DENND2B: variants seen among roughly 807,000 people sequenced by gnomAD.
DENND2B encodes DENN domain-containing protein 2B.
Under a neutral mutation model 116.0 loss-of-function variants are expected in DENND2B, and 32 were observed. The observed-to-expected ratio is 0.28, with a 90% CI of 0.21 to 0.37. The LOEUF is 0.37. DENND2B is among the 10% of genes least tolerant of loss of function. DENND2B has a pLI of 1.00. For synonymous variants in DENND2B, 588 were observed against 583.9 expected, an observed-to-expected ratio of 1.01 and a Z score of -0.10; for missense variants, 1,276 against 1,477.7, an observed-to-expected ratio of 0.86 and a Z score of 2.24.
At chr11:8,726,299 G>A (rs1379161405) in intron 3 of DENND2B, 90 bp from the exon 4 acceptor site, 2 of 1,490,466 alleles carry the variant, frequency 1.3e-6, no homozygotes, top group African/African-American at 1.4e-5. Flanking sequence ...AAAGACCATA[G>A]GCCCTCCTTA....
At chr11:8,778,056 A>G (rs1033922483) in intron 1 of DENND2B, among the ~76,000 whole-genome samples, 3 of 152,228 alleles carry the variant, frequency 2.0e-5, no homozygotes, top group African/African-American at 7.2e-5. Context: ...TGGCTTGTAC[A>G]GCTCAGGTCA....
intron 1 of DENND2B, among the ~76,000 whole-genome samples, chr11:8,751,385 C>T (rs1282218408): frequency 6.6e-6 from 1 of 152,150 alleles, no homozygotes; most frequent in Non-Finnish European, 1.5e-5. Context: ...GGAATAAAAG[C>T]AGGCTGCCCA....
chr11:8,845,072 T>C (rs2062765387), intron 3 of DENND2B, among the ~76,000 whole-genome samples: 1 of 152,218 alleles, frequency 6.6e-6, no homozygotes, highest in African/African-American at 2.4e-5. Context: ...AAAAAAATTC[T>C]TCTTCTGGAT....
chr11:8,746,525 G>A (rs1189393175), intron 2 of DENND2B, among the ~76,000 whole-genome samples: 1 of 152,194 alleles, frequency 6.6e-6, no homozygotes, highest in African/African-American at 2.4e-5. Flanking sequence ...TCCACTTTAT[G>A]AGATACTATA....
intron 2 of DENND2B, among the ~76,000 whole-genome samples, chr11:8,734,751 T>C (rs375397518): frequency 3.0e-4 from 43 of 142,420 alleles, no homozygotes; most frequent in African/African-American, 1.1e-3. Flanking sequence ...ATCACGCCAT[T>C]GCACTCCGGC....
Position 8,730,916 on chromosome 11 carries a change from A to G in DENND2B, c.374T>C (p.Val125Ala). 6.2e-7 allele frequency: 1 copy of G among 1,614,176 alleles called. No individual in the cohort carries two copies. Among genetic ancestry groups the G allele is most frequent in the Admixed American group, 1.7e-5 (1 of 60,034 alleles). Residue 125 changes from valine (V) to alanine (A), a missense_variant, in exon 3 of 20, where the codon GTA becomes GCA. This residue lies in a region of DENND2B where 856 missense variants were observed against 846.6 expected (regional missense o/e 1.01). Transcript: ENST00000313726. This position sits in a 1 kb window ranked among gnomAD's most constrained non-coding sequence, Gnocchi z 4.1. ...KESVQGAAQD[V>A]AGVAACLPLA... The stretch of plus-strand genomic sequence containing the variant: ...GGGGAGGCAGGCAGCGACCCCTGCT[A>G]CATCCTGGGCTGCGCCTTGGACACT...
chr11:8,759,254 G>A (rs2054148416), intron 1 of DENND2B, among the ~76,000 whole-genome samples: 1 of 152,200 alleles, frequency 6.6e-6, no homozygotes, highest in Admixed American at 6.5e-5. Context: ...ATTTCTAAAT[G>A]TCTGTCTGAT....
At chr11:8,718,482 G>A (rs1445411321) in intron 4 of DENND2B, 5 of 1,482,176 alleles carry the variant, frequency 3.4e-6, no homozygotes, top group Non-Finnish European at 4.5e-6. Context: ...GTTCACTGAG[G>A]CAACCTCGGA....
At position 8,730,545 on chromosome 11, in the gene DENND2B, C is replaced by G. The variant is rs1565759943; in HGVS notation, c.745G>C (p.Val249Leu). ...TCCAGCCGGTAGAAAGAGTCCCGGA[C>G]AGGGAGCGCCTCTCCCTCCTCCTCA... is the stretch of plus-strand genomic sequence containing the variant. ...ETEEEGEALP[V>L]RDSFYRLEKR... Residue 249 changes from valine (V) to leucine (L), a missense_variant, in exon 3 of 20, where the codon GTC (valine) becomes CTC (leucine). This residue lies in a region of DENND2B where 856 missense variants were observed against 846.6 expected (regional missense o/e 1.01). Transcript: ENST00000313726. The surrounding 1 kb of genome is among the most constrained non-coding windows in gnomAD (Gnocchi z 4.1). 1.2e-6 allele frequency: 2 copies of G among 1,613,240 alleles called. No individual in the cohort carries two copies. Among genetic ancestry groups the G allele is most frequent in the Non-Finnish European group, 1.7e-6 (2 of 1,180,026 alleles).
At chr11:8,784,889 C>G (rs1456237548) in intron 1 of DENND2B, among the ~76,000 whole-genome samples, 4 of 151,702 alleles carry the variant, frequency 2.6e-5, no homozygotes, top group African/African-American at 9.7e-5. Flanking sequence ...GGCTGGTAAG[C>G]CAGCGGGTAA....
intron 4 of DENND2B, among the ~76,000 whole-genome samples, chr11:8,824,853 A>AC (rs2061914024): frequency 1.5e-5 from 2 of 130,238 alleles, no homozygotes; most frequent in Admixed American, 8.0e-5. Flanking sequence ...ACACCCAGCT[A>AC]TTTTTTTTTT....
chr11:8,730,270 T>C lies in DENND2B; in HGVS notation c.1020A>G (p.Gly340=). Residue 340 remains glycine (G), a synonymous_variant, in exon 3 of 20, where the codon GGA becomes GGG. Transcript: ENST00000313726. The surrounding 1 kb of genome is among the most constrained non-coding windows in gnomAD (Gnocchi z 4.1). The stretch of plus-strand genomic sequence containing the variant: ...CCGCCTCCCCCGCAACACCAGCCAC[T>C]CCGACTGCCCGGCTGCCAGCGCTCA... ...ASVSAGSRAV[G]VAGVAGEAGP... 6.2e-7 allele frequency: 1 copy of C among 1,610,650 alleles called. No homozygotes were observed. Among genetic ancestry groups the C allele is most frequent in the Non-Finnish European group, 8.5e-7 (1 of 1,179,404 alleles).
At chr11:8,783,046 CTTTT>C (rs35035048) in intron 1 of DENND2B, among the ~76,000 whole-genome samples, 1 of 119,024 alleles carries the variant, frequency 8.4e-6, no homozygotes, top group Non-Finnish European at 1.7e-5. Context: ...CACCACTTAC[CTTTT>C]TTTTTTTTTT....
intron 2 of DENND2B, among the ~76,000 whole-genome samples, chr11:8,732,606 T>C (rs2048302016): frequency 6.6e-6 from 1 of 151,676 alleles, no homozygotes; most frequent in South Asian, 2.1e-4. Flanking sequence ...AAACAAATAG[T>C]GTCTGGAAGG....
intron 2 of DENND2B, among the ~76,000 whole-genome samples, chr11:8,740,702 A>C (rs1326475287): frequency 1.3e-5 from 2 of 152,118 alleles, no homozygotes; most frequent in Non-Finnish European, 2.9e-5. Context: ...TTCCATCCCT[A>C]CTAAGCAATG....
rs148154387 is a variant in DENND2B at position 8,751,306 on chromosome 11, C to A, written c.-25-581G>T. 7.5e-3 allele frequency among the ~76,000 whole-genome samples: 1,142 copies of A among 152,272 alleles called. 11 individuals carry two copies. The highest frequency in any genetic ancestry group is 0.025 in the African/African-American group (1,034 of 41,550). ...CTGTCAAAAAGGACCAATCAGCTCT[C>A]TGTAAAACAGACCAATCGACTCTCC... On this transcript the variant is annotated intron_variant, in intron 1 of 19. Transcript: ENST00000313726.
At chr11:8,829,137 ATATGTGTGGTGTGTGTGTGGTGTGTAG>A (rs2062102121) in intron 4 of DENND2B, among the ~76,000 whole-genome samples, 1 of 145,518 alleles carries the variant, frequency 6.9e-6, no homozygotes, top group South Asian at 2.2e-4. Context: ...GTGTGTGTGC[ATATGTGTGGTGTGTGTGTGGTGTGTAG>A]TATGTGTGGT....
chr11:8,708,439 G>T, intron 11 of DENND2B: 1 of 627,288 alleles, frequency 1.6e-6, no homozygotes, highest in Non-Finnish European at 2.0e-6. Context: ...GTGAGAGAGG[G>T]ATTATTATCC....
chr11:8,885,861 T>G (rs1249481597), intron 1 of DENND2B, among the ~76,000 whole-genome samples: 2 of 152,206 alleles, frequency 1.3e-5, no homozygotes, highest in Admixed American at 1.3e-4. Flanking sequence ...TTTTGTATGT[T>G]CAGCTATAAT....
Sources: allele counts gnomAD v4.1 joint callset (sites outside exome capture counted in the v4.1 genomes callset), GRCh38; gene constraint gnomAD v4.1.1; regional missense constraint gnomAD v4.1.1; non-coding constraint Gnocchi (gnomAD v3.1); transcripts MANE v1.5; gene names NCBI Gene and HGNC (gene_info 2026-07-23, HGNC 2026-07-21).